KIAA1549: variants seen among roughly 807,000 people sequenced by gnomAD.
KIAA1549 encodes KIAA1549, also known as UPF0606 protein KIAA1549.
In KIAA1549, 70 loss-of-function variants were observed where a neutral mutation model predicts 156.4. That is an observed-to-expected ratio of 0.45 (90% CI 0.37 to 0.55). KIAA1549 has a LOEUF of 0.55. Ranked by LOEUF, KIAA1549 falls within the 20% of genes least tolerant of loss-of-function variation. The pLI, the probability that KIAA1549 is intolerant of heterozygous loss-of-function variation, is 0.00. For missense variants in KIAA1549, 2,428 were observed against 2,540.9 expected, an observed-to-expected ratio of 0.96 and a Z score of 0.96; for synonymous variants, 1,103 against 1,066.4, an observed-to-expected ratio of 1.03 and a Z score of -0.67.
chr7:138,978,178 C>CT (rs929289548), intron 1 of KIAA1549, among the ~76,000 whole-genome samples: 4 of 151,972 alleles, frequency 2.6e-5, no homozygotes, highest in Admixed American at 2.0e-4. Flanking sequence ...GCATATAATT[C>CT]TTTTTTTAAT....
At chr7:138,887,089 T>C (rs1352835247) in intron 10 of KIAA1549, among the ~76,000 whole-genome samples, 1 of 151,994 alleles carries the variant, frequency 6.6e-6, no homozygotes, top group Non-Finnish European at 1.5e-5. Flanking sequence ...CATATTTTTT[T>C]ATTACAGATG....
intron 12 of KIAA1549, among the ~76,000 whole-genome samples, chr7:138,875,468 G>T (rs147121560): frequency 2.1e-4 from 32 of 152,022 alleles, no homozygotes; most frequent in African/African-American, 7.7e-4. Flanking sequence ...AACATGGCAA[G>T]ACCTCGTCTC....
In KIAA1549 at chr7:138,831,511, T is replaced by G. The variant is rs1377358521; in HGVS notation, c.*6395A>C. On this transcript the variant is annotated 3_prime_UTR_variant, in exon 20 of 20. Coordinates refer to ENST00000422774, the MANE Select transcript of KIAA1549 (RefSeq NM_001164665.2). ...AACTCTACAGCACATTAGAAAACAG[T>G]GCAGCTATTGAAGGATAGAAACATA... 1 of 218,360 alleles carries G rather than the reference T, an allele frequency of 4.6e-6. No individual in the cohort carries two copies. Among genetic ancestry groups the G allele is most frequent in the Non-Finnish European group, 9.2e-6 (1 of 108,780 alleles). The allele number at this position is 218,360 out of a possible 1,614,324, so 13.5% of individuals were successfully genotyped here.
chr7:138,899,062 T>A lies in KIAA1549; in HGVS notation c.3740A>T (p.Asp1247Val), dbSNP rs370733502. 44 of 1,613,802 alleles carry A rather than the reference T, an allele frequency of 2.7e-5. No individual in the cohort carries two copies. The African/African-American group carries it at 4.1e-4, about 15-fold the overall frequency. The change falls in exon 9 of 20, where the codon GAT (aspartate) becomes GTT (valine). Residue 1247 changes from aspartate to valine, a missense_variant. By Grantham distance (152) the Asp-to-Val change is radical. Transcript: ENST00000422774. The part of the protein sequence containing the change: ...VQLIYFVEDQ[D>V]GERLSAVKSS... ...CTTGACTGCACTGAGTCTTTCTCCA[T>A]CTTGATCCTCCACAAAGTAGATGAG...
chr7:138,977,844 C>T (rs533001114), intron 1 of KIAA1549, among the ~76,000 whole-genome samples: 34 of 152,280 alleles, frequency 2.2e-4, no homozygotes, highest in Middle Eastern at 3.4e-3. Context: ...GGATTACAGG[C>T]ACATGCCACC....
rs770477212 is a variant in KIAA1549, at chr7:138,919,311, A to G, written c.315T>C (p.Ser105=). The part of the protein sequence containing the change: ...TETAPGSQHS[S]PLHVTAPPSA... ...ACGGCGGGGCTGTGACATGGAGAGG[A>G]CTGCTGTGCTGGGAGCCGGGAGCAG... is the stretch of plus-strand genomic sequence containing the variant. Residue 105 remains serine, a synonymous_variant, in exon 2 of 20, where the codon AGT becomes AGC. Transcript: ENST00000422774. The G allele has an allele frequency of 1.5e-5, 25 of 1,613,850 alleles. No individual in the cohort carries two copies. The highest frequency in any genetic ancestry group is 1.2e-4 in the Admixed American group (7 of 60,000).
chr7:138,919,137 ATC>A lies in KIAA1549; in HGVS notation c.487_488del (p.Asp163TyrfsTer43). The A allele has an allele frequency of 6.2e-7, 1 of 1,614,030 alleles. No homozygotes were observed. Among genetic ancestry groups the A allele is most frequent in the Non-Finnish European group, 8.5e-7 (1 of 1,179,900 alleles). ...CCATCCGTGGAGTGGTCCAGTGAGT[ATC>A]TGGCAGAAAGTTATCCATCTCATCG... is the stretch of plus-strand genomic sequence containing the variant. ...NDDEMDNFLP[D>X]THWTTPRMVS... is the part of the protein sequence containing the mutation. On this transcript the variant is annotated frameshift_variant, in exon 2 of 20. Coordinates refer to ENST00000422774, the MANE Select transcript of KIAA1549 (RefSeq NM_001164665.2). LOFTEE classifies it high-confidence loss of function.
intron 1 of KIAA1549, among the ~76,000 whole-genome samples, chr7:138,935,674 G>A (rs1427901322): frequency 5.9e-5 from 9 of 152,222 alleles, no homozygotes; most frequent in Admixed American, 5.9e-4. Context: ...GGAGCCAGCA[G>A]CAATGAACAT....
intron 17 of KIAA1549, 129 bp from the exon 18 acceptor site, chr7:138,844,603 G>T: frequency 1.2e-6 from 1 of 838,360 alleles, no homozygotes. Flanking sequence ...TCCTCTCCTG[G>T]AAGGGGAAGA....
In KIAA1549 at chr7:138,917,467, G is replaced by A; in HGVS notation, c.2159C>T (p.Ser720Leu). 6.2e-7 allele frequency: 1 copy of A among 1,613,870 alleles called. No individual in the cohort carries two copies. Among genetic ancestry groups the A allele is most frequent in the African/African-American group, 1.3e-5 (1 of 75,060 alleles). ...CTCGAGAGAATCAGAAGGGAAGCTT[G>A]ACCATGGTGACACCTCAGAACGGCT... ...LPSRSEVSPW[S>L]SFPSDSLEFV... The change falls in exon 2 of 20, where the codon TCA (serine) becomes TTA (leucine). Residue 720 changes from serine (S) to leucine (L), a missense_variant. By Grantham distance (145) the Ser-to-Leu change is moderately radical. Coordinates refer to ENST00000422774, the MANE Select transcript of KIAA1549 (RefSeq NM_001164665.2).
intron 16 of KIAA1549, among the ~76,000 whole-genome samples, chr7:138,860,815 C>A (rs1035447613): frequency 7.9e-5 from 12 of 152,156 alleles, no homozygotes; most frequent in Non-Finnish European, 1.6e-4. Context: ...TTGACGGTTA[C>A]CCCACCTCCA....
At chr7:138,970,242 C>A (rs1218107175) in intron 1 of KIAA1549, among the ~76,000 whole-genome samples, 3 of 152,264 alleles carry the variant, frequency 2.0e-5, no homozygotes, top group African/African-American at 7.2e-5. Flanking sequence ...GCTTCGACAC[C>A]CTTTTGCTTC....
rs1177918017 is a variant in KIAA1549, at chr7:138,919,287, C to A, written c.339G>T (p.Pro113=). Residue 113 remains proline (P), a synonymous_variant, in exon 2 of 20, where the codon CCG becomes CCT. Coordinates refer to ENST00000422774, the MANE Select transcript of KIAA1549 (RefSeq NM_001164665.2). ...AGGCTGTATCAAAAGTAGTGGCAGA[C>A]GGCGGGGCTGTGACATGGAGAGGAC... is the stretch of plus-strand genomic sequence containing the variant. The part of the protein sequence containing the change: ...HSSPLHVTAP[P]SATTFDTAFF... The A allele has an allele frequency of 6.2e-7, 1 of 1,613,980 alleles. No individual in the cohort carries two copies. The highest frequency in any genetic ancestry group is 1.1e-5 in the South Asian group (1 of 91,070).
chr7:138,893,435 T>C (rs7783028), intron 10 of KIAA1549, among the ~76,000 whole-genome samples: 2,470 of 152,242 alleles, frequency 0.016, 65 homozygotes, highest in African/African-American at 0.055. Flanking sequence ...TTTGCTCTTC[T>C]CTAAAGAAAC....
intron 9 of KIAA1549, among the ~76,000 whole-genome samples, chr7:138,897,225 T>C (rs1811707773): frequency 6.6e-6 from 1 of 152,226 alleles, no homozygotes; most frequent in Non-Finnish European, 1.5e-5. Flanking sequence ...GCTTTTGCTA[T>C]TTTTTGCTCA....
At chr7:138,955,813 T>C (rs954829856) in intron 1 of KIAA1549, among the ~76,000 whole-genome samples, 2 of 152,236 alleles carry the variant, frequency 1.3e-5, no homozygotes, top group Non-Finnish European at 2.9e-5. Context: ...ATGAGGACCA[T>C]TTATAATCAG....
At chr7:138,967,760 G>GC (rs1350403656) in intron 1 of KIAA1549, among the ~76,000 whole-genome samples, 4 of 152,118 alleles carry the variant, frequency 2.6e-5, no homozygotes, top group Admixed American at 1.3e-4. Context: ...CCCCAAGGTG[G>GC]AGAGGCCCCA....
intron 16 of KIAA1549, among the ~76,000 whole-genome samples, chr7:138,856,405 C>G (rs1993068): frequency 6.6e-6 from 1 of 151,818 alleles, no homozygotes; most frequent in East Asian, 1.9e-4. Context: ...CAGCACCATC[C>G]GCCATTAAAC....
At chr7:138,947,108 A>T (rs1452194858) in intron 1 of KIAA1549, among the ~76,000 whole-genome samples, 1 of 152,200 alleles carries the variant, frequency 6.6e-6, no homozygotes, top group African/African-American at 2.4e-5. Context: ...TTTTAAGTCC[A>T]TTAGTATAGA....
Sources: gnomAD v4.1 joint callset for allele counts (sites outside exome capture counted in the v4.1 genomes callset) on GRCh38, gnomAD v4.1.1 for gene constraint, MANE v1.5 for transcripts, NCBI Gene and HGNC (gene_info 2026-07-23, HGNC 2026-07-21) for gene names.